FGD5: variants seen among roughly 807,000 people sequenced by gnomAD.
FGD5 encodes the protein FYVE, RhoGEF and PH domain-containing protein 5.
A neutral mutation model predicts 133.4 loss-of-function variants in FGD5; 28 were observed. The ratio of observed to expected loss-of-function variants is 0.21; its 90% CI spans 0.16 to 0.29. FGD5 has a LOEUF of 0.29. Among genes scored for constraint, FGD5 ranks in the 10% least tolerant of loss-of-function variants. The probability of loss-of-function intolerance (pLI) is 1.00; values close to 1 mark genes in which losing one functional copy is unlikely to be tolerated. For synonymous variants in FGD5, 810 were observed against 776.5 expected, an observed-to-expected ratio of 1.04 and a Z score of -0.72; for missense variants, 1,858 against 1,895.2, an observed-to-expected ratio of 0.98 and a Z score of 0.36.
Position 14,932,628 on chromosome 3 carries a change from G to A in FGD5, c.4249G>A (p.Glu1417Lys). ...MPLLGFTIAP[E>K]KEEGSSEVGP... ...TCTGCTAGGCTTCACCATTGCTCCAGAAAAGGAAGAGGGCAGCAGTGAAGT... is the reference window on the plus strand; with the variant it reads ...TCTGCTAGGCTTCACCATTGCTCCAAAAAAGGAAGAGGGCAGCAGTGAAGT... Residue 1417 changes from glutamate to lysine, a missense_variant, in exon 19 of 20, where the codon GAA (glutamate) becomes AAA (lysine). Glu to Lys is a moderately conservative substitution (Grantham distance 56). Around this residue, in one of 3 missense-constraint regions of FGD5, gnomAD observed 1,824 missense variants for 1,848.9 expected, o/e 0.99. Transcript: ENST00000285046. 6.2e-7 allele frequency: 1 copy of A among 1,614,026 alleles called. No individual in the cohort carries two copies. The highest frequency in any genetic ancestry group is 1.1e-5 in the South Asian group (1 of 91,086).
intron 1 of FGD5, among the ~76,000 whole-genome samples, chr3:14,821,839 T>C (rs142744126): frequency 0.011 from 1,631 of 152,270 alleles, 33 homozygotes; most frequent in African/African-American, 0.037. Flanking sequence ...CAGTGGCTCA[T>C]GCCTGTAATC....
At chr3:14,847,415 T>G (rs1427186814) in intron 1 of FGD5, among the ~76,000 whole-genome samples, 6 of 152,206 alleles carry the variant, frequency 3.9e-5, no homozygotes, top group Admixed American at 3.9e-4. Context: ...AGAACAGTGC[T>G]TCTAACCCTG....
intron 10 of FGD5, among the ~76,000 whole-genome samples, chr3:14,908,488 C>T (rs557106311): frequency 1.4e-5 from 2 of 146,384 alleles, no homozygotes; most frequent in African/African-American, 2.4e-5. Flanking sequence ...GTCTTGAGCA[C>T]CATGATCCCA....
intron 1 of FGD5, among the ~76,000 whole-genome samples, chr3:14,856,579 T>G (rs2037282391): frequency 6.6e-6 from 1 of 152,180 alleles, no homozygotes; most frequent in Non-Finnish European, 1.5e-5. Context: ...TGTAGAAGTC[T>G]TTCACCTTCT....
At chr3:14,890,761 G>T (rs2038011378) in intron 4 of FGD5, among the ~76,000 whole-genome samples, 1 of 152,254 alleles carries the variant, frequency 6.6e-6, no homozygotes, top group Non-Finnish European at 1.5e-5. Context: ...AAACCAGCTT[G>T]CAGAGCAATT....
chr3:14,897,262 G>A (rs919570075), intron 4 of FGD5: 2 of 510,346 alleles, frequency 3.9e-6, no homozygotes, highest in African/African-American at 3.9e-5. Flanking sequence ...TGTGTGTTGA[G>A]CCCTGCTCTG....
Position 14,820,546 on chromosome 3 carries a change from A to G in FGD5, c.1475A>G (p.Tyr492Cys), listed in dbSNP as rs370408897. 17 of 1,613,424 alleles carry G rather than the reference A, an allele frequency of 1.1e-5. No individual in the cohort carries two copies. Among genetic ancestry groups the G allele is most frequent in the Non-Finnish European group, 1.4e-5 (16 of 1,179,656 alleles). The stretch of plus-strand genomic sequence containing the variant: ...CCCCACTCTGGGAAGGTGGCCGGCT[A>G]TGTCCCAGAAACCGTCCCTGAAGAA... ...VRPHSGKVAG[Y>C]VPETVPEETG... The change falls in exon 1 of 20, where the codon TAT (tyrosine) becomes TGT (cysteine). Residue 492 changes from tyrosine (Y) to cysteine (C), a missense_variant. Physicochemically the swap from Tyr to Cys is radical, Grantham distance 194 (BLOSUM62 -2). This residue lies in a region of FGD5 where 1,824 missense variants were observed against 1,848.9 expected (regional missense o/e 0.99). Coordinates refer to ENST00000285046, the MANE Select transcript of FGD5 (RefSeq NM_152536.4).
chr3:14,924,373 T>C (rs1225704633), intron 17 of FGD5, among the ~76,000 whole-genome samples: 1 of 152,112 alleles, frequency 6.6e-6, no homozygotes, highest in Non-Finnish European at 1.5e-5. Context: ...TTTCTCTCCT[T>C]TTTCTCCTGC....
At chr3:14,866,957 T>C (rs997747635) in intron 2 of FGD5, among the ~76,000 whole-genome samples, 1 of 152,196 alleles carries the variant, frequency 6.6e-6, no homozygotes, top group Admixed American at 6.5e-5. Context: ...GGCTCATCTT[T>C]CCAGCAGGTC....
At chr3:14,845,753 G>T (rs1386946334) in intron 1 of FGD5, among the ~76,000 whole-genome samples, 1 of 152,204 alleles carries the variant, frequency 6.6e-6, no homozygotes, top group African/African-American at 2.4e-5. Context: ...ATTGCCACGT[G>T]CTTTGTTTTA....
At chr3:14,928,247 T>TA (rs1488115868) in intron 18 of FGD5, among the ~76,000 whole-genome samples, 1 of 151,724 alleles carries the variant, frequency 6.6e-6, no homozygotes, top group African/African-American at 2.4e-5. Context: ...CCAATTTTTT[T>TA]ATTTTTTGTA....
intron 9 of FGD5, among the ~76,000 whole-genome samples, chr3:14,903,931 A>T (rs905280816): frequency 6.6e-6 from 1 of 152,084 alleles, no homozygotes; most frequent in South Asian, 2.1e-4. Flanking sequence ...TGAGCTTGAC[A>T]GTTTTCAGGA....
At chr3:14,818,699 G>C (rs1467834501), upstream of FGD5, among the ~76,000 whole-genome samples, 2 of 152,178 alleles carry the variant, frequency 1.3e-5, no homozygotes, top group Admixed American at 6.5e-5. Flanking sequence ...GATTTCATTT[G>C]GTTGATTTTC....
rs765330893 is a variant in FGD5 at position 14,819,984 on chromosome 3, C to G, written c.913C>G (p.Gln305Glu). 1.2e-6 allele frequency: 2 copies of G among 1,613,904 alleles called. No individual in the cohort carries two copies. Among genetic ancestry groups the G allele is most frequent in the South Asian group, 2.2e-5 (2 of 91,058 alleles). Residue 305 changes from glutamine to glutamate, a missense_variant, in exon 1 of 20, where the codon CAA becomes GAA. Coordinates refer to ENST00000285046, the MANE Select transcript of FGD5 (RefSeq NM_152536.4). This position sits in a 1 kb window ranked among gnomAD's most constrained non-coding sequence, Gnocchi z 4.1. ...ACCTGACCACGAGAAGAAAACCAAC[C>G]AAGAAGTGGCAGCCGCCACCCTGGA... ...EPPDHEKKTNQEVAAATLEDH... is the reference protein window; with the variant it reads ...EPPDHEKKTNEEVAAATLEDH...
chr3:14,893,822 A>G (rs1430988415), intron 4 of FGD5, among the ~76,000 whole-genome samples: 1 of 136,168 alleles, frequency 7.3e-6, no homozygotes, highest in Non-Finnish European at 1.5e-5. Flanking sequence ...TGGCCATGCA[A>G]TCTCAGCTCA....
At chr3:14,884,926 C>T (rs2037896077) in intron 4 of FGD5, among the ~76,000 whole-genome samples, 2 of 151,936 alleles carry the variant, frequency 1.3e-5, no homozygotes, top group Non-Finnish European at 2.9e-5. Context: ...CACTCCCTGG[C>T]GCCGAGGTTA....
At chr3:14,894,387 T>C (rs1460705788) in intron 4 of FGD5, among the ~76,000 whole-genome samples, 5 of 152,210 alleles carry the variant, frequency 3.3e-5, no homozygotes. Flanking sequence ...ATCCATACTT[T>C]AGTTATTGTG....
intron 18 of FGD5, 100 bp from the exon 19 acceptor site, chr3:14,932,477 C>T (rs2038915468): frequency 7.2e-7 from 1 of 1,393,842 alleles, no homozygotes; most frequent in East Asian, 2.5e-5. Context: ...AAGCACACCC[C>T]ACACAGAGGC....
intron 1 of FGD5, among the ~76,000 whole-genome samples, chr3:14,862,541 G>C (rs2037418726): frequency 6.6e-6 from 1 of 152,196 alleles, no homozygotes; most frequent in Non-Finnish European, 1.5e-5. Context: ...GGGAGGCTTT[G>C]GCACACCTCA....
Sources: allele counts gnomAD v4.1 joint callset (sites outside exome capture counted in the v4.1 genomes callset), GRCh38; gene constraint gnomAD v4.1.1; regional missense constraint gnomAD v4.1.1; non-coding constraint Gnocchi (gnomAD v3.1); transcripts MANE v1.5; gene names NCBI Gene and HGNC (gene_info 2026-07-23, HGNC 2026-07-21).